Variants in JAKMIP3 observed in about 807,000 individuals in gnomAD.
JAKMIP3 encodes the protein janus kinase and microtubule-interacting protein 3.
Under a neutral mutation model 118.5 loss-of-function variants are expected in JAKMIP3, and 58 were observed. The ratio of observed to expected loss-of-function variants is 0.49; its 90% CI spans 0.40 to 0.61. The LOEUF is 0.61. Ranked by LOEUF, JAKMIP3 falls within the 20% of genes least tolerant of loss-of-function variation. The pLI, the probability that JAKMIP3 is intolerant of heterozygous loss-of-function variation, is 0.00. For missense variants in JAKMIP3, 950 were observed against 1,109.0 expected, an observed-to-expected ratio of 0.86 and a Z score of 2.04; for synonymous variants, 486 against 451.2, an observed-to-expected ratio of 1.08 and a Z score of -0.98.
rs1023120587 is a variant in JAKMIP3, at chr10:132,167,999, G to A, written c.*69G>A. The stretch of plus-strand genomic sequence containing the variant: ...TTTCCTCCAGTGGGACCAGAAAGCA[G>A]GGACAAAATGGGACGTCGCGTCTCC... On this transcript the variant is annotated 3_prime_UTR_variant, in exon 23 of 24. Coordinates refer to ENST00000684848, the MANE Select transcript of JAKMIP3 (RefSeq NM_001323087.2). 7.8e-7 allele frequency: 1 copy of A among 1,289,500 alleles called. No homozygotes were observed. The allele number at this position is 1,289,500 out of a possible 1,614,324, so 79.9% of individuals were successfully genotyped here.
At chr10:132,121,540 A>G (rs1028346195) in intron 3 of JAKMIP3, among the ~76,000 whole-genome samples, 1 of 152,086 alleles carries the variant, frequency 6.6e-6, no homozygotes, top group Non-Finnish European at 1.5e-5. Context: ...TGCTGCAGGG[A>G]GCGCCAGCCT....
At chr10:132,123,662 A>G (rs973703478) in intron 3 of JAKMIP3, among the ~76,000 whole-genome samples, 69 of 152,176 alleles carry the variant, frequency 4.5e-4, no homozygotes, top group African/African-American at 1.6e-3. Context: ...GGCGTCGCTC[A>G]GAGTCTGGGC....
intron 2 of JAKMIP3, among the ~76,000 whole-genome samples, chr10:132,109,112 A>G (rs1426718173): frequency 6.9e-6 from 1 of 144,268 alleles, no homozygotes; most frequent in African/African-American, 2.7e-5. Context: ...ATACACACAC[A>G]CATATATATA....
intron 1 of JAKMIP3, among the ~76,000 whole-genome samples, chr10:132,085,675 AT>A (rs1170771398): frequency 6.6e-6 from 1 of 151,600 alleles, no homozygotes; most frequent in East Asian, 1.9e-4. Flanking sequence ...TAATTTTTGT[AT>A]TTTTAGTAGA....
At chr10:132,119,136 T>C (rs1476154652) in intron 3 of JAKMIP3, among the ~76,000 whole-genome samples, 1 of 152,172 alleles carries the variant, frequency 6.6e-6, no homozygotes, top group Admixed American at 6.5e-5. Flanking sequence ...TTCAAAAGCA[T>C]GCTCCAACCT....
Position 132,154,019 on chromosome 10 carries a change from G to A in JAKMIP3, c.2220+29G>A, listed in dbSNP as rs369431966. On this transcript the variant is annotated intron_variant, in intron 19 of 23. Coordinates refer to ENST00000684848, the MANE Select transcript of JAKMIP3 (RefSeq NM_001323087.2). ...AGAGGCACGAGACTGCTGGAACCCC[G>A]GGGAGGGGCACTGGGCTGAAACGGC... 4.7e-5 allele frequency: 76 copies of A among 1,606,270 alleles called. No homozygotes were observed. In the African/African-American group the frequency reaches 5.3e-4, roughly 11 times the overall value.
intron 14 of JAKMIP3, 104 bp from the exon 15 acceptor site, chr10:132,149,308 C>T (rs2055347346): frequency 4.1e-6 from 3 of 728,538 alleles, no homozygotes; most frequent in Non-Finnish European, 2.3e-6. Flanking sequence ...TGTGTTGATC[C>T]CTGGTTCCAT....
chr10:132,117,484 C>T lies in JAKMIP3; in HGVS notation c.543C>T (p.Ile181=), dbSNP rs753298946. 7 of 1,613,318 alleles carry T rather than the reference C, an allele frequency of 4.3e-6. No homozygotes were observed. The highest frequency in any genetic ancestry group is 5.1e-6 in the Non-Finnish European group (6 of 1,179,760). The part of the protein sequence containing the change: ...ALTLVIQADK[I]KAAEIRSVYH... ...CGCTGGTGATCCAAGCGGACAAGAT[C>T]AAGGCCGCAGAGATCCGCAGCGTGT... Residue 181 remains isoleucine, a synonymous_variant, in exon 3 of 24, where the codon ATC becomes ATT. Coordinates refer to ENST00000684848, the MANE Select transcript of JAKMIP3 (RefSeq NM_001323087.2). The surrounding 1 kb of genome is among the most constrained non-coding windows in gnomAD (Gnocchi z 8.6).
chr10:132,076,586 G>A (rs575785626), intron 1 of JAKMIP3, among the ~76,000 whole-genome samples: 1 of 152,296 alleles, frequency 6.6e-6, no homozygotes, highest in East Asian at 1.9e-4. Flanking sequence ...GGCCTGTGGG[G>A]CCCCAGGTCT....
chr10:132,065,481 T>C (rs1024529254), upstream of JAKMIP3, among the ~76,000 whole-genome samples: 29 of 151,736 alleles, frequency 1.9e-4, no homozygotes, highest in Admixed American at 6.6e-5. The surrounding 1 kb of genome is among the most constrained non-coding windows in gnomAD (Gnocchi z 5.6). Context: ...TGAAGGGGGT[T>C]CTCCAAGCAG....
chr10:132,140,366 C>G (rs2053240788), intron 9 of JAKMIP3, 85 bp from the exon 10 acceptor site: 8 of 1,579,176 alleles, frequency 5.1e-6, no homozygotes, highest in Non-Finnish European at 6.9e-6. Context: ...GCGGCCCCCA[C>G]CGTTGGGCAG....
In JAKMIP3 at chr10:132,044,317, C is replaced by A. The variant is rs1472910049; in HGVS notation, c.-138+7579C>A. ...TCAACACAGACACAGTCCCTGCCTG[C>A]TGGGAGTGGCCAGTGGCTGAGACAG... On this transcript the variant is annotated intron_variant, in intron 1 of 23. Transcript: ENST00000657785. The surrounding 1 kb of genome is among the most constrained non-coding windows in gnomAD (Gnocchi z 5.3). Among the ~76,000 whole-genome samples the A allele has an allele frequency of 1.3e-5, 2 of 152,236 alleles. No homozygotes were observed. The highest frequency in any genetic ancestry group is 2.9e-5 in the Non-Finnish European group (2 of 68,034).
rs1554963446 is a variant in JAKMIP3, at chr10:132,180,756, T to TGTGTGC, written c.*1104-1598_*1104-1597insTGCGTG. Reference sequence around the variant, plus strand: ...GTGTGTGCGTGCGTGCGCGCGCGTGTGTGCGTGTGTGTGCGTGTGTGTGTG... The same window carrying TGTGTGC: ...GTGTGTGCGTGCGTGCGCGCGCGTGTGTGTGCGTGCGTGTGTGTGCGTGTGTGTGTG... On this transcript the variant is annotated intron_variant, in intron 23 of 23. Coordinates refer to ENST00000684848, the MANE Select transcript of JAKMIP3 (RefSeq NM_001323087.2). Among the ~76,000 whole-genome samples the TGTGTGC allele has an allele frequency of 1.6e-4, 5 of 31,078 alleles. 1 individual carries two copies. The highest frequency in any genetic ancestry group is 5.5e-4 in the African/African-American group (4 of 7,230). 20.4% of individuals were successfully genotyped at this position (31,078 alleles called of 152,430 possible). A position where few individuals can be genotyped will look rare whatever the true frequency, so the allele number is the denominator to read the frequency against.
intron 1 of JAKMIP3, among the ~76,000 whole-genome samples, chr10:132,058,724 G>T (rs145436458): frequency 6.6e-6 from 1 of 152,248 alleles, no homozygotes; most frequent in Non-Finnish European, 1.5e-5. Context: ...AAAATCACAG[G>T]TTGTCTTGAT....
upstream of JAKMIP3, among the ~76,000 whole-genome samples, chr10:132,064,646 G>A (rs1475998602): frequency 3.3e-5 from 5 of 152,204 alleles, no homozygotes; most frequent in East Asian, 1.9e-4. This position sits in a 1 kb window ranked among gnomAD's most constrained non-coding sequence, Gnocchi z 4.4. Context: ...GGGCGGCTCC[G>A]TCACACGAGT....
chr10:132,170,450 T>C (rs972479671), intron 23 of JAKMIP3, among the ~76,000 whole-genome samples: 1 of 152,128 alleles, frequency 6.6e-6, no homozygotes. Context: ...ATCCAGGCCA[T>C]GCTAAGCCCC....
At chr10:132,085,439 T>G (rs935662440) in intron 1 of JAKMIP3, among the ~76,000 whole-genome samples, 1 of 152,228 alleles carries the variant, frequency 6.6e-6, no homozygotes, top group East Asian at 1.9e-4. Context: ...TTAATTGAGC[T>G]TATTTGGATT....
intron 11 of JAKMIP3, 146 bp from the exon 12 acceptor site, chr10:132,144,961 A>G (rs1275332790): frequency 2.3e-5 from 15 of 650,516 alleles, no homozygotes; most frequent in South Asian, 9.8e-5. Flanking sequence ...CCTCTCTTAG[A>G]AAGCATCTCT....
At chr10:132,058,977 G>A (rs1019444838) in intron 1 of JAKMIP3, among the ~76,000 whole-genome samples, 7 of 152,156 alleles carry the variant, frequency 4.6e-5, no homozygotes, top group East Asian at 3.9e-4. Flanking sequence ...CTGGCTTCAC[G>A]CCACCGAGGA....
Sources: allele counts gnomAD v4.1 joint callset (sites outside exome capture counted in the v4.1 genomes callset), GRCh38; gene constraint gnomAD v4.1.1; non-coding constraint Gnocchi (gnomAD v3.1); transcripts MANE v1.5; gene names NCBI Gene and HGNC (gene_info 2026-07-23, HGNC 2026-07-21).